The following SEC24B variants were observed in gnomAD, a reference collection of about 807,000 sequenced individuals.
SEC24B encodes SEC24 homolog B, COPII component.
In SEC24B, 45 loss-of-function variants were observed where a neutral mutation model predicts 142.8. The observed-to-expected ratio is 0.32, with a 90% CI of 0.25 to 0.40. The LOEUF (loss-of-function observed/expected upper bound fraction) is 0.40, where lower values mean the gene tolerates loss of function less well. Among genes scored for constraint, SEC24B ranks in the 10% least tolerant of loss-of-function variants. The pLI, the probability that SEC24B is intolerant of heterozygous loss-of-function variation, is 1.00. For missense variants in SEC24B, 1,409 were observed against 1,526.8 expected (o/e 0.92, Z 1.29); for synonymous variants, 574 against 568.2 (o/e 1.01, Z -0.15).
At chr4:109,522,656 T>G (rs1361795223) in intron 14 of SEC24B, among the ~76,000 whole-genome samples, 4 of 152,176 alleles carry the variant, frequency 2.6e-5, no homozygotes, top group Non-Finnish European at 5.9e-5. Flanking sequence ...GTATAACACT[T>G]GGAAAGTGGA....
intron 5 of SEC24B, among the ~76,000 whole-genome samples, chr4:109,493,287 A>AG (rs1488389114): frequency 3.3e-5 from 5 of 152,024 alleles, no homozygotes; most frequent in Non-Finnish European, 5.9e-5. Flanking sequence ...TCAAGAAAAA[A>AG]AAAAATAGAT....
Position 109,526,360 on chromosome 4 carries a change from G to A in SEC24B, c.2926G>A (p.Val976Ile), listed in dbSNP as rs1470388936. The change falls in exon 17 of 24, where the codon GTA becomes ATA. Residue 976 changes from valine to isoleucine, a missense_variant. Coordinates refer to ENST00000265175, the MANE Select transcript of SEC24B (RefSeq NM_006323.5). ...IEESLTDTSL[V>I]CFQTALLYTS... ...AGAAAGTTTAACAGATACTTCCTTA[G>A]TATGTTTTCAAACAGCCCTATTATA... 1 of 1,613,654 alleles carries A rather than the reference G, an allele frequency of 6.2e-7. No individual in the cohort carries two copies. Among genetic ancestry groups the A allele is most frequent in the Admixed American group, 1.7e-5 (1 of 59,986 alleles).
intron 4 of SEC24B, among the ~76,000 whole-genome samples, chr4:109,483,044 G>GTATTTATATATATATATATATGTATT (rs756610936): frequency 1.9e-5 from 2 of 102,844 alleles, no homozygotes; most frequent in African/African-American, 9.9e-5. Context: ...TTATATATAT[G>GTATTTATATATATATATATATGTATT]TATTTATGTA....
At chr4:109,434,145 A>G in intron 1 of SEC24B, 143 bp downstream of exon 1, 2 of 483,720 alleles carry the variant, frequency 4.1e-6, no homozygotes, top group Non-Finnish European at 5.3e-6. Context: ...CGCGGTGCGG[A>G]GGCCGCGGGG....
At chr4:109,481,975 C>A (rs1191638427) in intron 4 of SEC24B, among the ~76,000 whole-genome samples, 194 bp downstream of exon 4, 1 of 152,152 alleles carries the variant, frequency 6.6e-6, no homozygotes, top group Non-Finnish European at 1.5e-5. Flanking sequence ...GGCATCTTTG[C>A]CATATTGTAA....
chr4:109,444,729 ATCAG>A (rs1729280169), intron 1 of SEC24B, among the ~76,000 whole-genome samples: 1 of 152,102 alleles, frequency 6.6e-6, no homozygotes, highest in Admixed American at 6.5e-5. Context: ...CACATGATAT[ATCAG>A]TCAGGCTGAC....
At chr4:109,511,070 G>A (rs1410159882) in intron 8 of SEC24B, among the ~76,000 whole-genome samples, 1 of 151,694 alleles carries the variant, frequency 6.6e-6, no homozygotes, top group African/African-American at 2.4e-5. Context: ...ATAATACTCT[G>A]AAAACCTTAT....
chr4:109,495,201 T>G (rs1735414642), intron 6 of SEC24B, among the ~76,000 whole-genome samples: 1 of 152,172 alleles, frequency 6.6e-6, no homozygotes, highest in African/African-American at 2.4e-5. Flanking sequence ...TTAAAAAAAT[T>G]TTATATTATC....
intron 7 of SEC24B, among the ~76,000 whole-genome samples, chr4:109,508,970 C>T (rs549590955): frequency 6.6e-6 from 1 of 152,268 alleles, no homozygotes; most frequent in South Asian, 2.1e-4. Flanking sequence ...CTCCGATGAA[C>T]AGTCAAACTA....
intron 1 of SEC24B, among the ~76,000 whole-genome samples, chr4:109,439,307 A>C (rs1025027766): frequency 5.3e-5 from 8 of 151,988 alleles, no homozygotes; most frequent in Admixed American, 3.9e-4. Flanking sequence ...AAATGATATA[A>C]ATCTCCCTAG....
At chr4:109,474,371 G>A (rs1005211034) in intron 3 of SEC24B, among the ~76,000 whole-genome samples, 1 of 148,746 alleles carries the variant, frequency 6.7e-6, no homozygotes, top group South Asian at 2.1e-4. Flanking sequence ...TTTCTTAAAT[G>A]TTTCGCTTTT....
chr4:109,470,964 G>T (rs977959617), intron 2 of SEC24B, among the ~76,000 whole-genome samples: 3 of 152,136 alleles, frequency 2.0e-5, no homozygotes, highest in Admixed American at 1.3e-4. Flanking sequence ...TCAGGAGGGG[G>T]CAGGGGAATG....
chr4:109,481,323 C>T (rs1733715581), intron 3 of SEC24B, among the ~76,000 whole-genome samples: 1 of 152,098 alleles, frequency 6.6e-6, no homozygotes. Flanking sequence ...TGCACAATCC[C>T]AAAGGAAATA....
At chr4:109,500,968 A>G (rs1362412773) in intron 6 of SEC24B, among the ~76,000 whole-genome samples, 1 of 151,972 alleles carries the variant, frequency 6.6e-6, no homozygotes, top group East Asian at 1.9e-4. Context: ...CAAAAACTAT[A>G]TTTTTATAGG....
intron 10 of SEC24B, among the ~76,000 whole-genome samples, chr4:109,514,086 G>A (rs894776411): frequency 1.2e-4 from 19 of 152,130 alleles, no homozygotes; most frequent in African/African-American, 3.9e-4. Flanking sequence ...CTTATGATGG[G>A]CACTAGCATC....
In SEC24B at chr4:109,449,599, A is replaced by T. The variant is rs527351655; in HGVS notation, c.134-13302A>T. ...GTGTCAGCATGGTCATATTCTAATGAGGGCCCTCTATCCACCTTGTCACTG... is the reference window on the plus strand; with the variant it reads ...GTGTCAGCATGGTCATATTCTAATGTGGGCCCTCTATCCACCTTGTCACTG... On this transcript the variant is annotated intron_variant, in intron 1 of 23. Transcript: ENST00000265175. The T allele has an allele frequency of 3.1e-3, 1,353 of 441,134 alleles. 16 individuals are homozygous for T. Among genetic ancestry groups the T allele is most frequent in the Middle Eastern group, 9.1e-3 (27 of 2,974 alleles). 27.3% of individuals were successfully genotyped at this position (441,134 alleles called of 1,614,324 possible). A position where few individuals can be genotyped will look rare whatever the true frequency, so the allele number is the denominator to read the frequency against.
chr4:109,538,650 A>C (rs1251280634), intron 23 of SEC24B, 54 bp downstream of exon 23: 1 of 1,098,076 alleles, frequency 9.1e-7, no homozygotes, highest in African/African-American at 1.6e-5. Context: ...TAGTCTGTGG[A>C]ATTGCTTGTC....
chr4:109,463,176 G>A lies in SEC24B; in HGVS notation c.409G>A (p.Ala137Thr). 6.2e-7 allele frequency: 1 copy of A among 1,614,180 alleles called. No homozygotes were observed. Among genetic ancestry groups the A allele is most frequent in the Non-Finnish European group, 8.5e-7 (1 of 1,180,032 alleles). Residue 137 changes from alanine to threonine, a missense_variant, in exon 2 of 24, where the codon GCT (alanine) becomes ACT (threonine). By Grantham distance (58) the Ala-to-Thr change is moderately conservative. This residue lies in a region of SEC24B where 709 missense variants were observed against 673.5 expected (regional missense o/e 1.05). Transcript: ENST00000265175. ...ATCCACTCTAGGATCTTTCCAAGGT[G>A]CTGCATCGTCAGCATCCCATTTGCA... ...VGSTLGSFQG[A>T]ASSASHLHTS...
intron 2 of SEC24B, among the ~76,000 whole-genome samples, chr4:109,471,495 A>G (rs1477256533): frequency 6.6e-6 from 1 of 152,190 alleles, no homozygotes; most frequent in Non-Finnish European, 1.5e-5. Context: ...ATACTGTTAA[A>G]TATTCTTAAT....
Sources: gnomAD v4.1 joint callset for allele counts (sites outside exome capture counted in the v4.1 genomes callset) on GRCh38, gnomAD v4.1.1 for gene constraint, gnomAD v4.1.1 regional missense constraint, MANE v1.5 for transcripts, NCBI Gene and HGNC (gene_info 2026-07-23, HGNC 2026-07-21) for gene names.